ARHGAP10: variants seen among roughly 807,000 people sequenced by gnomAD.
ARHGAP10 encodes rho GTPase-activating protein 10.
Under a neutral mutation model 108.6 loss-of-function variants are expected in ARHGAP10, and 87 were observed. The ratio of observed to expected loss-of-function variants is 0.80; its 90% CI spans 0.67 to 0.96. ARHGAP10 has a LOEUF of 0.96. ARHGAP10 is among the 40% of genes least tolerant of loss of function. The pLI is 0.00. For missense variants in ARHGAP10, 939 were observed against 954.5 expected (o/e 0.98, Z 0.21); for synonymous variants, 347 against 341.1 (o/e 1.02, Z -0.19).
At chr4:148,065,151 C>G (rs1351651182) in intron 22 of ARHGAP10, 3 of 152,224 alleles carry the variant, frequency 2.0e-5, no homozygotes, top group Non-Finnish European at 4.4e-5. Flanking sequence ...TTGCTTTCTT[C>G]CCTCCCCAGT....
intron 20 of ARHGAP10, among the ~76,000 whole-genome samples, chr4:148,052,896 A>G (rs1262796730): frequency 1.3e-5 from 2 of 151,576 alleles, no homozygotes; most frequent in African/African-American, 4.9e-5. Context: ...TCCTTCCCCT[A>G]CCTCTTGGGG....
At chr4:148,030,910 G>C (rs897071511) in intron 19 of ARHGAP10, among the ~76,000 whole-genome samples, 1 of 152,046 alleles carries the variant, frequency 6.6e-6, no homozygotes, top group African/African-American at 2.4e-5. Context: ...AATGAAATTT[G>C]GGGCCAGGCC....
intron 1 of ARHGAP10, among the ~76,000 whole-genome samples, chr4:147,797,833 G>T (rs1318482115): frequency 1.3e-5 from 2 of 152,154 alleles, no homozygotes; most frequent in Non-Finnish European, 2.9e-5. Context: ...TGTGCCCTCT[G>T]CTATGTTCCC....
intron 19 of ARHGAP10, among the ~76,000 whole-genome samples, chr4:148,024,325 A>T (rs898424797): frequency 7.9e-5 from 12 of 152,176 alleles, no homozygotes; most frequent in African/African-American, 2.7e-4. Context: ...TTCATTTATT[A>T]TCCTTGAGCT....
chr4:147,815,712 C>T (rs547809088), intron 1 of ARHGAP10, among the ~76,000 whole-genome samples: 2 of 75,354 alleles, frequency 2.7e-5, no homozygotes, highest in African/African-American at 1.1e-4. Flanking sequence ...AAAAAATAGG[C>T]GATAGGCGTG....
At position 147,835,689 on chromosome 4, in the gene ARHGAP10, A is replaced by G. The variant is rs542878070; in HGVS notation, c.313-11462A>G. Among the ~76,000 whole-genome samples the G allele has an allele frequency of 3.3e-4, 50 of 152,208 alleles. 1 individual carries two copies. Among genetic ancestry groups the G allele is most frequent in the African/African-American group, 1.0e-3 (43 of 41,524 alleles). ...GCGCCTGGCCTATTTTATTTTCTTGATTTAACAGTTTATTGCCTTAGTATG... is the reference window on the plus strand; with the variant it reads ...GCGCCTGGCCTATTTTATTTTCTTGGTTTAACAGTTTATTGCCTTAGTATG... On this transcript the variant is annotated intron_variant, in intron 3 of 22. Transcript: ENST00000336498.
Position 147,777,952 on chromosome 4 carries a change from C to A in ARHGAP10, c.155-44775C>A, listed in dbSNP as rs545950865. Among the ~76,000 whole-genome samples, 12 of 152,222 alleles carry A rather than the reference C, an allele frequency of 7.9e-5. No individual in the cohort carries two copies. The South Asian group carries it at 2.5e-3, about 32-fold the overall frequency. The stretch of plus-strand genomic sequence containing the variant: ...CATGCTAGAAAGGCACGTTGCAGGT[C>A]CAGCCAGTGTGTAGTTACTGTTCAT... On this transcript the variant is annotated intron_variant, in intron 1 of 22. Coordinates refer to ENST00000336498, the MANE Select transcript of ARHGAP10 (RefSeq NM_024605.4).
At chr4:147,778,613 A>T (rs923525606) in intron 1 of ARHGAP10, among the ~76,000 whole-genome samples, 1 of 152,200 alleles carries the variant, frequency 6.6e-6, no homozygotes, top group Non-Finnish European at 1.5e-5. Context: ...TCATACCCCA[A>T]GAAGCTGCTC....
chr4:147,892,167 A>G (rs1735816210), intron 10 of ARHGAP10, among the ~76,000 whole-genome samples: 1 of 151,678 alleles, frequency 6.6e-6, no homozygotes, highest in African/African-American at 2.4e-5. Flanking sequence ...TCACTTATTT[A>G]TATTTTTATG....
At chr4:148,020,162 T>C (rs1018724410) in intron 18 of ARHGAP10, among the ~76,000 whole-genome samples, 7 of 152,178 alleles carry the variant, frequency 4.6e-5, no homozygotes, top group African/African-American at 1.7e-4. Flanking sequence ...CTATACAACA[T>C]AGAGCTTATT....
At chr4:147,741,093 C>CT (rs1728638453) in intron 1 of ARHGAP10, among the ~76,000 whole-genome samples, 3 of 152,090 alleles carry the variant, frequency 2.0e-5, no homozygotes, top group Admixed American at 1.3e-4. Flanking sequence ...TTAGTTCAAC[C>CT]TTTTTTTCCT....
chr4:147,738,127 A>G (rs1190826973), intron 1 of ARHGAP10, among the ~76,000 whole-genome samples: 1 of 151,966 alleles, frequency 6.6e-6, no homozygotes, highest in Non-Finnish European at 1.5e-5. Flanking sequence ...ATGGAATATA[A>G]TATAGAAGAT....
chr4:147,868,992 C>T (rs1354929147), intron 7 of ARHGAP10, among the ~76,000 whole-genome samples: 1 of 152,132 alleles, frequency 6.6e-6, no homozygotes, highest in African/African-American at 2.4e-5. Flanking sequence ...GCTATATAAT[C>T]TGTGGAAATT....
At chr4:147,872,586 A>G (rs1026208460) in intron 7 of ARHGAP10, among the ~76,000 whole-genome samples, 2 of 152,226 alleles carry the variant, frequency 1.3e-5, no homozygotes, top group South Asian at 2.1e-4. Context: ...TTTGACTACT[A>G]ATCGCCTACT....
At chr4:147,784,124 C>T (rs1324366051) in intron 1 of ARHGAP10, among the ~76,000 whole-genome samples, 2 of 103,724 alleles carry the variant, frequency 1.9e-5, no homozygotes, top group African/African-American at 3.5e-5. Flanking sequence ...ATTTACATAA[C>T]ATTAAATTGT....
intron 4 of ARHGAP10, among the ~76,000 whole-genome samples, 189 bp from the exon 5 acceptor site, chr4:147,857,364 C>T (rs1202989041): frequency 6.6e-6 from 1 of 152,208 alleles, no homozygotes; most frequent in Non-Finnish European, 1.5e-5. Context: ...AGTGTCTCTT[C>T]TATCCTAATG....
rs1409892342 is a variant in ARHGAP10 at position 148,023,264 on chromosome 4, T to G, written c.1718T>G (p.Ile573Ser). 2.5e-6 allele frequency: 4 copies of G among 1,613,606 alleles called. No homozygotes were observed. The South Asian group carries it at 4.4e-5, about 18-fold the overall frequency. ...VEILIENHEK[I>S]FRTPPDTTFP... Reference sequence around the variant, plus strand: ...CTGTCCTTTATGCTTTGTTGGAAGATTTTTCGGACGCCGCCCGATACTACA... The same window carrying G: ...CTGTCCTTTATGCTTTGTTGGAAGAGTTTTCGGACGCCGCCCGATACTACA... Residue 573 changes from isoleucine to serine, a missense_variant and splice_region_variant, in exon 19 of 23, where the codon ATT becomes AGT. By Grantham distance (142) the Ile-to-Ser change is moderately radical (BLOSUM62 -2). Coordinates refer to ENST00000336498, the MANE Select transcript of ARHGAP10 (RefSeq NM_024605.4).
At chr4:148,056,395 T>C (rs1729364946) in intron 20 of ARHGAP10, among the ~76,000 whole-genome samples, 1 of 152,240 alleles carries the variant, frequency 6.6e-6, no homozygotes, top group East Asian at 1.9e-4. Flanking sequence ...AGAAGGCTTT[T>C]AGTGTTTCAG....
At chr4:147,939,957 A>G in intron 14 of ARHGAP10, 58 bp downstream of exon 14, 2 of 1,409,284 alleles carry the variant, frequency 1.4e-6, no homozygotes, top group South Asian at 2.4e-5. Context: ...CATTGACTTC[A>G]CAGCTTAATA....
Sources: gnomAD v4.1 joint callset for allele counts (sites outside exome capture counted in the v4.1 genomes callset) on GRCh38, gnomAD v4.1.1 for gene constraint, MANE v1.5 for transcripts, NCBI Gene and HGNC (gene_info 2026-07-23, HGNC 2026-07-21) for gene names.